TWIST2: variants seen among roughly 807,000 people sequenced by gnomAD.
TWIST2 encodes the protein twist-related protein 2.
A neutral mutation model predicts 11.6 loss-of-function variants in TWIST2; 1 was observed. The observed-to-expected ratio is 0.09, with a 90% CI of 0.03 to 0.41. The LOEUF is 0.41. TWIST2 is among the 10% of genes least tolerant of loss of function. The pLI, the probability that TWIST2 is intolerant of heterozygous loss-of-function variation, is 0.98. For missense variants in TWIST2, 168 were observed against 226.4 expected (o/e 0.74, Z 1.66); for synonymous variants, 87 against 96.6 (o/e 0.90, Z 0.58).
At chr2:238,892,899 C>T (rs758183019) in intron 1 of TWIST2, among the ~76,000 whole-genome samples, 58 of 152,202 alleles carry the variant, frequency 3.8e-4, no homozygotes, top group Non-Finnish European at 6.5e-4. Flanking sequence ...TGATGTGTTT[C>T]TCAACAGAGA....
chr2:238,884,234 A>G (rs757042704), intron 1 of TWIST2, among the ~76,000 whole-genome samples: 1 of 152,190 alleles, frequency 6.6e-6, no homozygotes, highest in Non-Finnish European at 1.5e-5. Context: ...TGGGCTGCCA[A>G]GTCTGCCCCA....
intron 1 of TWIST2, among the ~76,000 whole-genome samples, chr2:238,908,224 A>G (rs1449109894): frequency 2.2e-5 from 3 of 137,984 alleles, no homozygotes; most frequent in Non-Finnish European, 3.1e-5. Context: ...TATACCCCCC[A>G]TACAAAATAC....
intron 1 of TWIST2, among the ~76,000 whole-genome samples, chr2:238,857,619 C>A (rs1376822745): frequency 2.0e-5 from 3 of 151,754 alleles, no homozygotes; most frequent in Non-Finnish European, 4.4e-5. Flanking sequence ...GCTTGAATAG[C>A]AGAGCTCTTT....
intron 1 of TWIST2, among the ~76,000 whole-genome samples, chr2:238,859,731 C>G (rs1692397911): frequency 6.6e-6 from 1 of 152,192 alleles, no homozygotes; most frequent in Non-Finnish European, 1.5e-5. Flanking sequence ...TTATCCAACT[C>G]TTCTAGTTGT....
intron 1 of TWIST2, among the ~76,000 whole-genome samples, chr2:238,880,416 T>C (rs527395185): frequency 8.0e-6 from 1 of 125,504 alleles, no homozygotes; most frequent in South Asian, 3.0e-4. Context: ...AGTGTTAGTG[T>C]TGGTAATATT....
intron 1 of TWIST2, among the ~76,000 whole-genome samples, chr2:238,868,108 C>T (rs1021565623): frequency 6.6e-6 from 1 of 152,198 alleles, no homozygotes; most frequent in Non-Finnish European, 1.5e-5. Context: ...AGTGCAGTGC[C>T]CCACAAAGGT....
chr2:238,893,478 C>T (rs1693172761), intron 1 of TWIST2, among the ~76,000 whole-genome samples: 3 of 152,156 alleles, frequency 2.0e-5, no homozygotes, highest in Non-Finnish European at 2.9e-5. Flanking sequence ...AGGCCCCGCC[C>T]TCCCCAGAAG....
chr2:238,867,095 G>A lies in TWIST2; in HGVS notation c.*35+18362G>A, dbSNP rs1398663887. On this transcript the variant is annotated intron_variant, in intron 1 of 1. Transcript: ENST00000612363. The surrounding 1 kb of genome is among the most constrained non-coding windows in gnomAD (Gnocchi z 4.8). ...CTGGCAGCCTGGGGGTCTTGTGTTT[G>A]CCCCAAACAGAGGAGCCAGCCTCTT... 6.6e-6 allele frequency among the ~76,000 whole-genome samples: 1 copy of A among 152,146 alleles called. No individual in the cohort carries two copies. The highest frequency in any genetic ancestry group is 2.4e-5 in the African/African-American group (1 of 41,422).
At chr2:238,851,877 T>C (rs1559265817) in intron 1 of TWIST2, among the ~76,000 whole-genome samples, 1 of 152,222 alleles carries the variant, frequency 6.6e-6, no homozygotes, top group Non-Finnish European at 1.5e-5. Context: ...CCTGTTAATG[T>C]GGGTCTTTCC....
At chr2:238,892,364 C>T (rs766790783) in intron 1 of TWIST2, among the ~76,000 whole-genome samples, 2 of 152,256 alleles carry the variant, frequency 1.3e-5, no homozygotes, top group East Asian at 1.9e-4. Flanking sequence ...ACAGGTGCTC[C>T]GCCGATCACC....
chr2:238,907,632 T>C (rs1030553935), intron 1 of TWIST2, among the ~76,000 whole-genome samples: 4 of 151,828 alleles, frequency 2.6e-5, no homozygotes, highest in African/African-American at 9.7e-5. Context: ...TTGATCATAG[T>C]GGGGGGTGCA....
intron 1 of TWIST2, among the ~76,000 whole-genome samples, chr2:238,870,457 ACCACACACCCGACACACG>A (rs1692650653): frequency 1.7e-5 from 2 of 119,382 alleles, no homozygotes; most frequent in East Asian, 3.1e-4. Context: ...CCCCACACAC[ACCACACACCCGACACACG>A]CCACACACAC....
chr2:238,891,221 C>G (rs555964101), intron 1 of TWIST2, among the ~76,000 whole-genome samples: 1 of 152,354 alleles, frequency 6.6e-6, no homozygotes, highest in South Asian at 2.1e-4. Flanking sequence ...GCTCCAGGTG[C>G]TCTTAGATCA....
Position 238,848,562 on chromosome 2 carries a change from T to C in TWIST2, c.347T>C (p.Phe116Ser). 6.3e-7 allele frequency: 1 copy of C among 1,587,342 alleles called. No homozygotes were observed. Among genetic ancestry groups the C allele is most frequent in the Non-Finnish European group, 8.6e-7 (1 of 1,169,396 alleles). Reference protein sequence around the residue: ...TLKLAARYIDFLYQVLQSDEM... With the variant: ...TLKLAARYIDSLYQVLQSDEM... ...AAGCTGGCCGCCAGGTACATAGACT[T>C]CCTCTACCAGGTCCTGCAGAGCGAC... The change falls in exon 1 of 2, where the codon TTC becomes TCC. Residue 116 changes from phenylalanine to serine, a missense_variant. Transcript: ENST00000612363.
At chr2:238,884,398 C>T (rs375966979) in intron 1 of TWIST2, among the ~76,000 whole-genome samples, 66 of 152,368 alleles carry the variant, frequency 4.3e-4, no homozygotes, top group African/African-American at 1.4e-3. Flanking sequence ...GCTTCCCATG[C>T]GAGTGGCTTC....
intron 1 of TWIST2, among the ~76,000 whole-genome samples, chr2:238,881,435 CG>C (rs948464648): frequency 6.6e-6 from 1 of 150,560 alleles, no homozygotes; most frequent in African/African-American, 2.5e-5. Context: ...GTATTAGTGT[CG>C]GTATTTATTA....
chr2:238,882,282 C>T (rs532387321), intron 1 of TWIST2, among the ~76,000 whole-genome samples: 4 of 152,328 alleles, frequency 2.6e-5, no homozygotes, highest in Non-Finnish European at 5.9e-5. Flanking sequence ...CCTGTGCTTC[C>T]CGAGAGCGTG....
At chr2:238,897,594 C>T (rs1418420094) in intron 1 of TWIST2, among the ~76,000 whole-genome samples, 1 of 152,224 alleles carries the variant, frequency 6.6e-6, no homozygotes, top group East Asian at 1.9e-4. Flanking sequence ...CTCCGAGGTC[C>T]CCTGCCCTGC....
intron 1 of TWIST2, among the ~76,000 whole-genome samples, chr2:238,890,579 A>G (rs1693114590): frequency 6.6e-6 from 1 of 152,240 alleles, no homozygotes. Flanking sequence ...CTGGAAAAAA[A>G]TTCACTGTTT....
Sources: gnomAD v4.1 joint callset for allele counts (sites outside exome capture counted in the v4.1 genomes callset) on GRCh38, gnomAD v4.1.1 for gene constraint, Gnocchi (gnomAD v3.1) non-coding constraint, MANE v1.5 for transcripts, NCBI Gene and HGNC (gene_info 2026-07-23, HGNC 2026-07-21) for gene names.